COG6: variants seen among roughly 807,000 people sequenced by gnomAD.
COG6 encodes the protein conserved oligomeric Golgi complex subunit 6.
In COG6, 74 loss-of-function variants were observed where a neutral mutation model predicts 88.8. The observed-to-expected ratio is 0.83, with a 90% confidence interval of 0.69 to 1.01. The LOEUF (loss-of-function observed/expected upper bound fraction) is 1.01, where lower values mean the gene tolerates loss of function less well. Among genes scored for constraint, COG6 ranks in the 50% least tolerant of loss-of-function variants. The probability of loss-of-function intolerance (pLI) is 0.00; values close to 1 mark genes in which losing one functional copy is unlikely to be tolerated. For missense variants in COG6, 800 were observed against 797.9 expected, an observed-to-expected ratio of 1.00 and a Z score of -0.03; for synonymous variants, 286 against 278.7, an observed-to-expected ratio of 1.03 and a Z score of -0.26.
chr13:39,659,028 A>G (rs760602791), intron 1 of COG6, among the ~76,000 whole-genome samples: 11 of 124,448 alleles, frequency 8.8e-5, no homozygotes, highest in Non-Finnish European at 1.7e-4. Flanking sequence ...AGCTTATACT[A>G]CGTAAGTGCA....
At chr13:39,769,697 G>C (rs1177795039) in intron 18 of COG6, among the ~76,000 whole-genome samples, 1 of 152,140 alleles carries the variant, frequency 6.6e-6, no homozygotes, top group Non-Finnish European at 1.5e-5. Context: ...TTCATATGTT[G>C]AAACCTAACC....
intron 9 of COG6, 21 bp from the exon 10 acceptor site, chr13:39,687,687 T>C: frequency 6.2e-7 from 1 of 1,614,032 alleles, no homozygotes; most frequent in Non-Finnish European, 8.5e-7. Flanking sequence ...GAAATCTTCA[T>C]TAACATTTAG....
chr13:39,737,742 C>G (rs9548909), intron 18 of COG6, among the ~76,000 whole-genome samples: 1 of 151,966 alleles, frequency 6.6e-6, no homozygotes, highest in African/African-American at 2.4e-5. Context: ...AATTAGAGCC[C>G]TTATGGCCCA....
At chr13:39,725,421 T>C (rs1366205784) in intron 17 of COG6, among the ~76,000 whole-genome samples, 1 of 151,942 alleles carries the variant, frequency 6.6e-6, no homozygotes, top group Non-Finnish European at 1.5e-5. Context: ...CACAATGGCC[T>C]GACTTTCATA....
At chr13:39,678,123 G>C (rs1210768559) in intron 5 of COG6, 7 of 434,696 alleles carry the variant, frequency 1.6e-5, no homozygotes, top group Non-Finnish European at 3.2e-5. Context: ...CTGGAGTGCA[G>C]TAGCACGAAC....
At chr13:39,785,308 C>T (rs1346339082) in intron 18 of COG6, 3 of 152,116 alleles carry the variant, frequency 2.0e-5, no homozygotes, top group African/African-American at 7.2e-5. Flanking sequence ...GGTAGTAAGG[C>T]AGGGATTAAA....
chr13:39,712,211 C>G (rs558463988), intron 13 of COG6, among the ~76,000 whole-genome samples: 1 of 152,240 alleles, frequency 6.6e-6, no homozygotes, highest in East Asian at 1.9e-4. Context: ...TTAATAAAAT[C>G]TTAATTCTTT....
intron 18 of COG6, among the ~76,000 whole-genome samples, chr13:39,743,859 A>G (rs1880187565): frequency 6.6e-6 from 1 of 152,182 alleles, no homozygotes; most frequent in African/African-American, 2.4e-5. Flanking sequence ...CCTCAATAAA[A>G]TACTGGCAAA....
At chr13:39,694,180 ATTC>A (rs1877129580) in intron 11 of COG6, among the ~76,000 whole-genome samples, 1 of 151,820 alleles carries the variant, frequency 6.6e-6, no homozygotes, top group Admixed American at 6.6e-5. Context: ...CTAGTTTTCT[ATTC>A]TTTGATTAAT....
intron 5 of COG6, chr13:39,678,044 A>G (rs1200041601): frequency 4.4e-6 from 2 of 449,638 alleles, no homozygotes; most frequent in South Asian, 3.1e-5. Context: ...ACATCATAGT[A>G]CAGTTAGACC....
chr13:39,691,460 G>C (rs1876975388), intron 11 of COG6, among the ~76,000 whole-genome samples: 1 of 151,922 alleles, frequency 6.6e-6, no homozygotes, highest in South Asian at 2.1e-4. Flanking sequence ...AAGCAGACAA[G>C]CATCTTTTTG....
At chr13:39,736,885 A>G (rs972043740) in intron 18 of COG6, among the ~76,000 whole-genome samples, 1 of 152,122 alleles carries the variant, frequency 6.6e-6, no homozygotes, top group Non-Finnish European at 1.5e-5. Flanking sequence ...ATGCTTGTAG[A>G]TGTTCATCAG....
At position 39,779,513 on chromosome 13, in the gene COG6, A is replaced by G. The variant is rs138043286; in HGVS notation, c.1827-8822A>G. Among the ~76,000 whole-genome samples, 3 of 152,162 alleles carry G rather than the reference A, an allele frequency of 2.0e-5. No individual in the cohort carries two copies. The South Asian group carries it at 6.2e-4, about 32-fold the overall frequency. On this transcript the variant is annotated intron_variant, in intron 18 of 18. Transcript: ENST00000416691. ...AAAGCCTTGTTTTTCTTTTCTCATC[A>G]GAGGAAGTGGTCTGGAAAAGTGCCA... is the stretch of plus-strand genomic sequence containing the variant.
chr13:39,737,378 G>A (rs1879819045), intron 18 of COG6, among the ~76,000 whole-genome samples: 1 of 152,028 alleles, frequency 6.6e-6, no homozygotes. Context: ...TGATGAATCA[G>A]TGAGGCTTGT....
At chr13:39,690,119 G>A (rs1054850669) in intron 11 of COG6, among the ~76,000 whole-genome samples, 2 of 151,730 alleles carry the variant, frequency 1.3e-5, no homozygotes, top group South Asian at 2.1e-4. Flanking sequence ...TTTAAACAGC[G>A]AATCTATGAA....
intron 13 of COG6, among the ~76,000 whole-genome samples, chr13:39,715,836 T>C (rs774692516): frequency 7.9e-5 from 12 of 152,050 alleles, no homozygotes; most frequent in Admixed American, 1.3e-4. Flanking sequence ...AAAACTGATA[T>C]GCATATATTT....
At position 39,666,102 on chromosome 13, in the gene COG6, TGACTTCTGATCCAACTA is replaced by T. The variant is rs1313229574; in HGVS notation, c.428+950_428+966del. Reference sequence around the variant, plus strand: ...TCAAGATTTTTACAGAAAAAGTCTGTGACTTCTGATCCAACTAGTGTTTTTTTGTAGTTCAGGTCAAG... The same window carrying T: ...TCAAGATTTTTACAGAAAAAGTCTGTGTGTTTTTTTGTAGTTCAGGTCAAG... On this transcript the variant is annotated intron_variant, in intron 4 of 18. Transcript: ENST00000455146. Among the ~76,000 whole-genome samples the T allele has an allele frequency of 4.6e-5, 7 of 152,248 alleles. No homozygotes were observed. In the East Asian group the frequency reaches 1.3e-3, roughly 29 times the overall value.
intron 11 of COG6, among the ~76,000 whole-genome samples, chr13:39,693,639 A>G (rs1436605913): frequency 6.6e-6 from 1 of 151,998 alleles, no homozygotes; most frequent in Non-Finnish European, 1.5e-5. Flanking sequence ...ATAGTCTATC[A>G]CCTATACCAA....
chr13:39,736,872 T>G lies in COG6; in HGVS notation c.1826+9324T>G, dbSNP rs529705841. On this transcript the variant is annotated intron_variant, in intron 18 of 18. Transcript: ENST00000455146. ...GGAAGTCATGTTTTCCTGGATGGTC[T>G]TGATGCTTGTAGATGTTCATCAGTG... is the stretch of plus-strand genomic sequence containing the variant. 2.2e-4 allele frequency among the ~76,000 whole-genome samples: 33 copies of G among 152,310 alleles called. No homozygotes were observed. In the South Asian group the frequency reaches 6.6e-3, roughly 31 times the overall value.
Sources: allele counts gnomAD v4.1 joint callset (sites outside exome capture counted in the v4.1 genomes callset), GRCh38; gene constraint gnomAD v4.1.1; transcripts MANE v1.5; gene names NCBI Gene and HGNC (gene_info 2026-07-23, HGNC 2026-07-21).